Variants in KALRN observed in about 807,000 individuals in gnomAD.
The protein encoded by KALRN is kalirin.
Under a neutral mutation model 353.7 loss-of-function variants are expected in KALRN, and 70 were observed. That is an observed-to-expected ratio of 0.20 (90% CI 0.16 to 0.24). The LOEUF (loss-of-function observed/expected upper bound fraction) is 0.24. Among genes scored for constraint, KALRN ranks in the 10% least tolerant of loss-of-function variants. The pLI, the probability that KALRN is intolerant of heterozygous loss-of-function variation, is 1.00. For missense variants in KALRN, 2,791 were observed against 3,756.7 expected (o/e 0.74, Z 6.72); for synonymous variants, 1,391 against 1,434.8 (o/e 0.97, Z 0.69).
At chr3:124,103,982 G>A (rs570859885) in intron 1 of KALRN, among the ~76,000 whole-genome samples, 1 of 152,120 alleles carries the variant, frequency 6.6e-6, no homozygotes, top group East Asian at 1.9e-4. Flanking sequence ...GAAAAAAAAA[G>A]AATCAACAGT....
At chr3:124,268,321 C>G (rs1485384087) in intron 4 of KALRN, among the ~76,000 whole-genome samples, 3 of 152,156 alleles carry the variant, frequency 2.0e-5, no homozygotes, top group Admixed American at 6.5e-5. Flanking sequence ...GTTGCTTAAT[C>G]CAACTATGAT....
At chr3:124,702,245 C>A (rs2062376115) in intron 57 of KALRN, 129 bp downstream of exon 57, 1 of 525,348 alleles carries the variant, frequency 1.9e-6, no homozygotes, top group African/African-American at 1.9e-5. Flanking sequence ...AAGAAAAAAA[C>A]TAAAATATTC....
intron 21 of KALRN, among the ~76,000 whole-genome samples, chr3:124,447,950 T>G (rs1369305371): frequency 6.6e-6 from 1 of 152,230 alleles, no homozygotes; most frequent in Non-Finnish European, 1.5e-5. Context: ...AGGTGGCAGA[T>G]GCACAGAACC....
intron 13 of KALRN, among the ~76,000 whole-genome samples, chr3:124,406,650 A>G (rs920961555): frequency 3.9e-5 from 6 of 152,150 alleles, no homozygotes; most frequent in African/African-American, 1.4e-4. Context: ...CCTACTGGTA[A>G]TTGGAATGAG....
intron 33 of KALRN, among the ~76,000 whole-genome samples, chr3:124,511,489 A>G (rs1251202097): frequency 6.6e-6 from 1 of 152,140 alleles, no homozygotes; most frequent in Non-Finnish European, 1.5e-5. Flanking sequence ...GAGGACTCTC[A>G]TGATAGCATA....
In KALRN at chr3:124,269,036, G is replaced by T. The variant is rs775488440; in HGVS notation, c.750G>T (p.Glu250Asp). The T allele has an allele frequency of 5.0e-6, 8 of 1,613,420 alleles. No individual in the cohort carries two copies. The highest frequency in any genetic ancestry group is 4.4e-5 in the South Asian group (4 of 91,038). ...CCCCTGTGGAGGAGCTGGACCGGGAGGGGCAGCGGCTGCTGCAGTGCATCC... is the reference window on the plus strand; with the variant it reads ...CCCCTGTGGAGGAGCTGGACCGGGATGGGCAGCGGCTGCTGCAGTGCATCC... Reference protein sequence around the residue: ...LKAPVEELDREGQRLLQCIRC... With the variant: ...LKAPVEELDRDGQRLLQCIRC... Residue 250 changes from glutamate (E) to aspartate (D), a missense_variant, in exon 5 of 60, where the codon GAG (glutamate) becomes GAT (aspartate). Glu to Asp is a conservative substitution (Grantham distance 45). This residue lies in a region of KALRN where 366 missense variants were observed against 489.2 expected (regional missense o/e 0.75). Coordinates refer to ENST00000682506, the MANE Select transcript of KALRN (RefSeq NM_001388419.1).
chr3:124,227,669 T>G (rs1487754183), intron 1 of KALRN, among the ~76,000 whole-genome samples: 1 of 19,268 alleles, frequency 5.2e-5, no homozygotes, highest in Admixed American at 6.0e-4. Context: ...GGCTGTTTTT[T>G]TTTTTTTTTT....
intron 1 of KALRN, among the ~76,000 whole-genome samples, chr3:124,179,273 T>A (rs954885587): frequency 3.3e-5 from 5 of 152,202 alleles, no homozygotes; most frequent in East Asian, 1.9e-4. Context: ...TTTAAAAAAA[T>A]TTTTAAAACT....
intron 1 of KALRN, among the ~76,000 whole-genome samples, chr3:124,158,226 G>A (rs1005980005): frequency 1.3e-5 from 2 of 152,222 alleles, no homozygotes; most frequent in South Asian, 4.1e-4. Context: ...AGATGGGAGT[G>A]TGTTTACAGC....
intron 1 of KALRN, among the ~76,000 whole-genome samples, chr3:124,106,176 G>A (rs2062291748): frequency 6.6e-6 from 1 of 152,210 alleles, no homozygotes; most frequent in Non-Finnish European, 1.5e-5. Context: ...TGGTAGACTG[G>A]AGGAGGGGGA....
chr3:124,660,208 C>T (rs2084664301), intron 43 of KALRN, among the ~76,000 whole-genome samples: 1 of 152,146 alleles, frequency 6.6e-6, no homozygotes, highest in African/African-American at 2.4e-5. Context: ...GTTGAGATTA[C>T]AGACATGAGC....
chr3:124,444,709 G>T (rs2093774524), intron 19 of KALRN, among the ~76,000 whole-genome samples: 1 of 150,618 alleles, frequency 6.6e-6, no homozygotes, highest in Non-Finnish European at 1.5e-5. Flanking sequence ...TCAGGTGGCT[G>T]AAGTGGGAGG....
chr3:124,446,196 G>T lies in KALRN; in HGVS notation c.3349G>T (p.Val1117Leu), dbSNP rs954989552. The T allele has an allele frequency of 3.7e-6, 6 of 1,614,082 alleles. No homozygotes were observed. The highest frequency in any genetic ancestry group is 5.1e-6 in the Non-Finnish European group (6 of 1,179,930). ...LSELLQRENR[V>L]LHFWTLKKRR... ...TGAGCTCCTGCAGAGGGAGAATCGC[G>T]TGCTGCATTTCTGGACCTTGAAGAA... The change falls in exon 20 of 60, where the codon GTG (valine) becomes TTG (leucine). Residue 1117 changes from valine (V) to leucine (L), a missense_variant. By Grantham distance (32) the Val-to-Leu change is conservative. Around this residue, in one of 11 missense-constraint regions of KALRN, gnomAD observed 268 missense variants for 347.0 expected, o/e 0.77. Coordinates refer to ENST00000682506, the MANE Select transcript of KALRN (RefSeq NM_001388419.1).
intron 25 of KALRN, among the ~76,000 whole-genome samples, chr3:124,469,813 AG>A (rs2060710840): frequency 1.3e-5 from 2 of 152,234 alleles, no homozygotes; most frequent in African/African-American, 4.8e-5. Context: ...ATTTCCATTT[AG>A]ATGCAGACTG....
At chr3:124,487,587 AG>A (rs1206123633) in intron 28 of KALRN, among the ~76,000 whole-genome samples, 1 of 152,202 alleles carries the variant, frequency 6.6e-6, no homozygotes, top group Non-Finnish European at 1.5e-5. Flanking sequence ...ACAATGAAAT[AG>A]CCTAGAAGCC....
At chr3:124,213,431 C>A (rs2077058315) in intron 1 of KALRN, among the ~76,000 whole-genome samples, 1 of 152,068 alleles carries the variant, frequency 6.6e-6, no homozygotes, top group Non-Finnish European at 1.5e-5. Context: ...GTCTGCTCCA[C>A]CTTTTAATAA....
At chr3:124,444,198 C>A (rs956848469) in intron 19 of KALRN, among the ~76,000 whole-genome samples, 2 of 152,204 alleles carry the variant, frequency 1.3e-5, no homozygotes, top group Non-Finnish European at 2.9e-5. Flanking sequence ...TAGCTTGGCT[C>A]CTTCACTCCA....
Position 124,672,480 on chromosome 3 carries a change from A to G in KALRN, c.6942+582A>G, listed in dbSNP as rs140245098. On this transcript the variant is annotated intron_variant, in intron 48 of 59. Transcript: ENST00000682506. ...GTGTTTGACACCTTAAAAAGAGTTC[A>G]CCCTTTCTAATGATGATCTGCCTCG... 3.9e-5 allele frequency among the ~76,000 whole-genome samples: 6 copies of G among 152,256 alleles called. No homozygotes were observed. The East Asian group carries it at 1.2e-3, about 29-fold the overall frequency.
chr3:124,713,189 T>C (rs1432567617), intron 58 of KALRN, 54 bp downstream of exon 58: 3 of 1,468,276 alleles, frequency 2.0e-6, no homozygotes, highest in Non-Finnish European at 2.8e-6. Flanking sequence ...AGGTTAGCTT[T>C]TGCCCACAAT....
Sources: allele counts gnomAD v4.1 joint callset (sites outside exome capture counted in the v4.1 genomes callset), GRCh38; gene constraint gnomAD v4.1.1; regional missense constraint gnomAD v4.1.1; transcripts MANE v1.5; gene names NCBI Gene and HGNC (gene_info 2026-07-23, HGNC 2026-07-21).